IRAG1: variants seen among roughly 807,000 people sequenced by gnomAD.
IRAG1 encodes IP3R-associated cGMP kinase substrate.
IRAG1 carries 62 observed loss-of-function variants against 106.2 expected under a neutral mutation model. The observed-to-expected ratio is 0.58, with a 90% confidence interval of 0.48 to 0.72. The LOEUF (loss-of-function observed/expected upper bound fraction) is 0.72. IRAG1 is among the 30% of genes least tolerant of loss of function. IRAG1 has a pLI of 0.00. For missense variants in IRAG1, 1,064 were observed against 1,140.7 expected (o/e 0.93, Z 0.97); for synonymous variants, 462 against 443.9 (o/e 1.04, Z -0.51).
At chr11:10,627,151 C>T (rs1403874821) in intron 8 of IRAG1, among the ~76,000 whole-genome samples, 3 of 152,136 alleles carry the variant, frequency 2.0e-5, no homozygotes, top group Admixed American at 6.5e-5. Flanking sequence ...AAACCTGGGC[C>T]GTGAGCAGCA....
chr11:10,625,484 A>G (rs1856170540), intron 9 of IRAG1, among the ~76,000 whole-genome samples: 1 of 152,154 alleles, frequency 6.6e-6, no homozygotes, highest in South Asian at 2.1e-4. Context: ...CAGCCTTCAC[A>G]CTTGCAGATG....
intron 1 of IRAG1, among the ~76,000 whole-genome samples, chr11:10,676,685 G>C (rs972295912): frequency 6.6e-6 from 1 of 152,194 alleles, no homozygotes; most frequent in African/African-American, 2.4e-5. Context: ...TAATGCCAAG[G>C]ACAGCTGAGA....
At position 10,680,397 on chromosome 11, in the gene IRAG1, G is replaced by GAAAGAAAGA. The variant is rs1365509814; in HGVS notation, c.67+13138_67+13139insTCTTTCTTT. ...GGAAGGAAGGAAGGAAGGAAGGAAG[G>GAAAGAAAGA]AAGGAAGGAAAGAAAGGGAAAGAAA... On this transcript the variant is annotated intron_variant, in intron 1 of 20. Coordinates refer to ENST00000423302, the MANE Select transcript of IRAG1 (RefSeq NM_130385.4). 4.5e-4 allele frequency among the ~76,000 whole-genome samples: 23 copies of GAAAGAAAGA among 51,244 alleles called. 1 individual carries two copies. The South Asian group carries it at 4.6e-3, about 10-fold the overall frequency. 33.6% of individuals were successfully genotyped at this position (51,244 alleles called of 152,430 possible).
chr11:10,662,993 G>A (rs1442735850), intron 1 of IRAG1, among the ~76,000 whole-genome samples: 2 of 152,140 alleles, frequency 1.3e-5, no homozygotes, highest in African/African-American at 4.8e-5. Context: ...CTGAGCCAAC[G>A]GCCTCTTCCT....
At chr11:10,661,874 G>C (rs1029610221) in intron 1 of IRAG1, among the ~76,000 whole-genome samples, 4 of 152,062 alleles carry the variant, frequency 2.6e-5, no homozygotes, top group Admixed American at 2.6e-4. Flanking sequence ...TGGGGAGGGG[G>C]GAGTATTCAG....
At chr11:10,620,989 A>C (rs1223451356) in intron 10 of IRAG1, among the ~76,000 whole-genome samples, 1 of 152,214 alleles carries the variant, frequency 6.6e-6, no homozygotes, top group South Asian at 2.1e-4. Context: ...TAAAAAAAAG[A>C]AGCTGTATCT....
chr11:10,614,597 T>C (rs1480859236), intron 10 of IRAG1, among the ~76,000 whole-genome samples: 1 of 152,144 alleles, frequency 6.6e-6, no homozygotes, highest in Non-Finnish European at 1.5e-5. Flanking sequence ...AACAGAGATA[T>C]AGACCAATGG....
At chr11:10,641,039 C>G (rs1452310095) in intron 2 of IRAG1, among the ~76,000 whole-genome samples, 1 of 152,140 alleles carries the variant, frequency 6.6e-6, no homozygotes, top group Non-Finnish European at 1.5e-5. Flanking sequence ...ATGGACATAA[C>G]TGTATTCTCT....
At chr11:10,644,294 C>A (rs1857769083) in intron 2 of IRAG1, among the ~76,000 whole-genome samples, 1 of 152,240 alleles carries the variant, frequency 6.6e-6, no homozygotes, top group South Asian at 2.1e-4. Context: ...ATAATAATAT[C>A]TACCTTGGAG....
At chr11:10,589,592 A>C (rs1852410099) in intron 18 of IRAG1, among the ~76,000 whole-genome samples, 1 of 152,144 alleles carries the variant, frequency 6.6e-6, no homozygotes, top group African/African-American at 2.4e-5. Flanking sequence ...AATGGAAATC[A>C]CTTAACATCT....
chr11:10,669,469 C>T (rs568947943), intron 1 of IRAG1, among the ~76,000 whole-genome samples: 2 of 152,332 alleles, frequency 1.3e-5, no homozygotes, highest in South Asian at 4.1e-4. Context: ...GCTGCAGTAG[C>T]ACATTCCCTG....
chr11:10,596,253 A>G (rs1266128411), intron 15 of IRAG1, among the ~76,000 whole-genome samples: 3 of 152,140 alleles, frequency 2.0e-5, no homozygotes, highest in East Asian at 3.9e-4. Context: ...AACTTTCTCA[A>G]TTGTCTCCAA....
intron 1 of IRAG1, among the ~76,000 whole-genome samples, chr11:10,681,641 A>T (rs1262028888): frequency 1.3e-5 from 2 of 152,224 alleles, no homozygotes; most frequent in Admixed American, 6.5e-5. Context: ...CTTGGAAAGA[A>T]GATTTGATTT....
At chr11:10,649,429 T>A (rs1858272712) in intron 2 of IRAG1, among the ~76,000 whole-genome samples, 1 of 152,158 alleles carries the variant, frequency 6.6e-6, no homozygotes, top group Non-Finnish European at 1.5e-5. Context: ...CAACTAACCC[T>A]TGTACTGGGT....
At chr11:10,655,154 G>T (rs760872494) in intron 1 of IRAG1, among the ~76,000 whole-genome samples, 1 of 152,174 alleles carries the variant, frequency 6.6e-6, no homozygotes, top group Non-Finnish European at 1.5e-5. Context: ...TATGTGTGAC[G>T]TATGTACAGG....
intron 1 of IRAG1, among the ~76,000 whole-genome samples, chr11:10,672,637 C>A (rs1407604650): frequency 1.3e-5 from 2 of 152,174 alleles, no homozygotes; most frequent in Non-Finnish European, 2.9e-5. Context: ...CCACTTTACA[C>A]CCATGAGGGT....
rs1014804385 is a variant in IRAG1, at chr11:10,604,627, C to T, written c.1603-82G>A. ...GCTGCAGCTGTGCTCCTTGCACGAG[C>T]GTTTTGCAACGGCCCCTGGAACAGC... is the stretch of plus-strand genomic sequence containing the variant. On this transcript the variant is annotated intron_variant, in intron 12 of 20. Transcript: ENST00000423302. 9.2e-6 allele frequency: 14 copies of T among 1,523,652 alleles called. No homozygotes were observed. The East Asian group carries it at 1.8e-4, about 20-fold the overall frequency. The allele number at this position is 1,523,652 out of a possible 1,614,324, so 94.4% of individuals were successfully genotyped here. A position where few individuals can be genotyped will look rare whatever the true frequency, so the allele number is the denominator to read the frequency against.
chr11:10,617,139 G>A (rs898692967), intron 10 of IRAG1: 1 of 985,240 alleles, frequency 1.0e-6, no homozygotes, highest in African/African-American at 1.7e-5. Flanking sequence ...GTACTTCTCT[G>A]CCTCAGCCTA....
chr11:10,677,438 T>C (rs529979550), intron 1 of IRAG1, among the ~76,000 whole-genome samples: 4 of 152,230 alleles, frequency 2.6e-5, no homozygotes, highest in Non-Finnish European at 5.9e-5. Flanking sequence ...CTGGGATCCT[T>C]ACACAAGATT....
Sources: gnomAD v4.1 joint callset for allele counts (sites outside exome capture counted in the v4.1 genomes callset) on GRCh38, gnomAD v4.1.1 for gene constraint, MANE v1.5 for transcripts, NCBI Gene and HGNC (gene_info 2026-07-23, HGNC 2026-07-21) for gene names.